Variants in RASGRF2 observed in about 807,000 individuals in gnomAD.
The protein encoded by RASGRF2 is ras-specific guanine nucleotide-releasing factor 2.
RASGRF2 carries 76 observed loss-of-function variants against 151.0 expected under a neutral mutation model. The observed-to-expected ratio is 0.50, with a 90% confidence interval of 0.42 to 0.61. The LOEUF (loss-of-function observed/expected upper bound fraction) is 0.61. RASGRF2 is among the 20% of genes least tolerant of loss of function. The probability of loss-of-function intolerance (pLI) is 0.00; values close to 1 mark genes in which losing one functional copy is unlikely to be tolerated. For missense variants in RASGRF2, 1,148 were observed against 1,564.6 expected (o/e 0.73, Z 4.49); for synonymous variants, 504 against 566.5 (o/e 0.89, Z 1.57).
In RASGRF2 at chr5:81,208,477, A is replaced by G. The variant is rs1379912507; in HGVS notation, c.3156+39A>G. The G allele has an allele frequency of 3.9e-6, 6 of 1,519,458 alleles. No individual in the cohort carries two copies. In the South Asian group the frequency reaches 5.6e-5, roughly 14 times the overall value. The allele number at this position is 1,519,458 out of a possible 1,614,324, so 94.1% of individuals were successfully genotyped here. A position where few individuals can be genotyped will look rare whatever the true frequency, so the allele number is the denominator to read the frequency against. ...ACAGTAAAACCGTGGGCGTGTCACA[A>G]GAAGATGGATATTGGGGTCTAAAGA... is the stretch of plus-strand genomic sequence containing the variant. On this transcript the variant is annotated intron_variant, in intron 22 of 26. Coordinates refer to ENST00000265080, the MANE Select transcript of RASGRF2 (RefSeq NM_006909.3).
chr5:81,222,886 A>G (rs1445601453), intron 26 of RASGRF2, among the ~76,000 whole-genome samples: 3 of 104,978 alleles, frequency 2.9e-5, no homozygotes, highest in African/African-American at 4.6e-5. Context: ...GATTTAGAAA[A>G]TCCAAGAGAA....
At chr5:81,146,404 C>G (rs577098680) in intron 17 of RASGRF2, among the ~76,000 whole-genome samples, 1 of 152,190 alleles carries the variant, frequency 6.6e-6, no homozygotes, top group South Asian at 2.1e-4. Flanking sequence ...CTCAGTTGCC[C>G]AGGGAGTTAG....
At chr5:81,124,324 A>G (rs1331306031) in intron 16 of RASGRF2, among the ~76,000 whole-genome samples, 1 of 152,194 alleles carries the variant, frequency 6.6e-6, no homozygotes, top group Non-Finnish European at 1.5e-5. Context: ...TAGTCTAACC[A>G]ACATTTGTTT....
intron 12 of RASGRF2, among the ~76,000 whole-genome samples, 152 bp from the exon 13 acceptor site, chr5:81,108,834 CTGTGTGTGTG>C (rs10606038): frequency 0.063 from 8,804 of 139,872 alleles, 784 homozygotes; most frequent in African/African-American, 0.2. Flanking sequence ...TTTACCTACT[CTGTGTGTGTG>C]TGTGTGTGTG....
At chr5:81,126,436 T>A (rs563112988) in intron 16 of RASGRF2, among the ~76,000 whole-genome samples, 5 of 152,342 alleles carry the variant, frequency 3.3e-5, no homozygotes, top group African/African-American at 9.6e-5. Context: ...AGTCTTTTTT[T>A]AATTTAATAT....
At chr5:80,992,462 G>A (rs138989940) in intron 1 of RASGRF2, among the ~76,000 whole-genome samples, 2 of 152,238 alleles carry the variant, frequency 1.3e-5, no homozygotes, top group Admixed American at 1.3e-4. Context: ...GGTTAATAAA[G>A]TGAAAAATGA....
intron 1 of RASGRF2, among the ~76,000 whole-genome samples, chr5:80,984,481 T>A (rs1580167647): frequency 6.6e-6 from 1 of 152,268 alleles, no homozygotes; most frequent in Admixed American, 6.5e-5. Context: ...AAATAAAGAT[T>A]ATACTTTCCT....
intron 12 of RASGRF2, among the ~76,000 whole-genome samples, chr5:81,107,043 G>T (rs1011168697): frequency 6.6e-6 from 1 of 152,032 alleles, no homozygotes; most frequent in Non-Finnish European, 1.5e-5. Flanking sequence ...ATACAAAACA[G>T]TTTGCCAAAA....
intron 9 of RASGRF2, chr5:81,087,929 A>G (rs889047603): frequency 4.6e-5 from 7 of 152,498 alleles, no homozygotes; most frequent in Admixed American, 4.6e-4. Context: ...TTTTGTGCAC[A>G]TTAATTTTTG....
chr5:80,980,363 G>A (rs551346841), intron 1 of RASGRF2, among the ~76,000 whole-genome samples: 40 of 152,222 alleles, frequency 2.6e-4, no homozygotes, highest in Non-Finnish European at 5.1e-4. Flanking sequence ...ATACTGGCTG[G>A]GTGCAGTGGT....
In RASGRF2 at chr5:81,025,979, TTCCC is replaced by T. The variant is rs201973533; in HGVS notation, c.289-16884_289-16881del. Among the ~76,000 whole-genome samples, 867 of 146,772 alleles carry T rather than the reference TTCCC, an allele frequency of 5.9e-3. 12 individuals are homozygous for T. The highest frequency in any genetic ancestry group is 0.021 in the African/African-American group (821 of 39,430). ...CCCTTTCGCCCTCCTTCCTTCCCTC[TTCCC>T]TCCCTCCCTCCCTTCCTTCCTTTCT... On this transcript the variant is annotated intron_variant, in intron 1 of 26. Transcript: ENST00000265080.
chr5:81,169,511 C>T (rs963376604), intron 17 of RASGRF2, among the ~76,000 whole-genome samples: 14 of 152,148 alleles, frequency 9.2e-5, no homozygotes, highest in Non-Finnish European at 1.8e-4. Context: ...CAATATCTGC[C>T]TCTTTCATCA....
chr5:81,126,617 G>T (rs1753461717), intron 16 of RASGRF2, among the ~76,000 whole-genome samples: 1 of 152,038 alleles, frequency 6.6e-6, no homozygotes, highest in South Asian at 2.1e-4. Flanking sequence ...CCCTCTATGG[G>T]TTCACCTCTG....
intron 12 of RASGRF2, among the ~76,000 whole-genome samples, chr5:81,101,580 A>G (rs1580315072): frequency 6.6e-6 from 1 of 151,956 alleles, no homozygotes; most frequent in Non-Finnish European, 1.5e-5. Context: ...ATATAAATGT[A>G]TCATAATAAG....
chr5:81,164,922 T>A (rs968739835), intron 17 of RASGRF2, among the ~76,000 whole-genome samples: 3 of 152,214 alleles, frequency 2.0e-5, no homozygotes, highest in African/African-American at 4.8e-5. Context: ...TGTTGAAAGT[T>A]TTCAACATTG....
chr5:80,965,052 G>T (rs1215433515), intron 1 of RASGRF2, among the ~76,000 whole-genome samples: 1 of 152,054 alleles, frequency 6.6e-6, no homozygotes, highest in East Asian at 1.9e-4. Flanking sequence ...GAGGTTTAAA[G>T]AAGTAGACAT....
intron 17 of RASGRF2, among the ~76,000 whole-genome samples, chr5:81,172,523 G>GT (rs1333083823): frequency 3.3e-5 from 5 of 151,958 alleles, no homozygotes; most frequent in Admixed American, 3.3e-4. Context: ...GTTAACCTGA[G>GT]TAAGGAGATG....
At chr5:81,181,626 A>G (rs1310737658) in intron 18 of RASGRF2, among the ~76,000 whole-genome samples, 1 of 152,088 alleles carries the variant, frequency 6.6e-6, no homozygotes, top group Non-Finnish European at 1.5e-5. Context: ...CCACTGTCTG[A>G]TGGTCCATCT....
rs1020094820 is a variant in RASGRF2, at chr5:81,040,509, A to G, written c.289-2368A>G. Among the ~76,000 whole-genome samples, 11 of 152,222 alleles carry G rather than the reference A, an allele frequency of 7.2e-5. 1 individual carries two copies. ...ATGCATTTGGAAATTATCCTGGTGT[A>G]TGGTAGAGATGGGGGAGAGTTTTTC... On this transcript the variant is annotated intron_variant, in intron 1 of 26. Coordinates refer to ENST00000265080, the MANE Select transcript of RASGRF2 (RefSeq NM_006909.3).
Sources: gnomAD v4.1 joint callset for allele counts (sites outside exome capture counted in the v4.1 genomes callset) on GRCh38, gnomAD v4.1.1 for gene constraint, MANE v1.5 for transcripts, NCBI Gene and HGNC (gene_info 2026-07-23, HGNC 2026-07-21) for gene names.